DPYS: variants seen among roughly 807,000 people sequenced by gnomAD.
DPYS encodes the protein dihydropyrimidinase, also known as dihydropyrimidine amidohydrolase.
A neutral mutation model predicts 50.3 loss-of-function variants in DPYS; 39 were observed. The observed-to-expected ratio is 0.78, with a 90% CI of 0.60 to 1.01. The LOEUF (loss-of-function observed/expected upper bound fraction) is 1.01. Among genes scored for constraint, DPYS ranks in the 50% least tolerant of loss-of-function variants. The probability of loss-of-function intolerance (pLI) is 0.00; values close to 1 mark genes in which losing one functional copy is unlikely to be tolerated. For missense variants in DPYS, 659 were observed against 680.9 expected (o/e 0.97, Z 0.36); for synonymous variants, 245 against 250.7 (o/e 0.98, Z 0.22).
At chr8:104,406,777 A>G (rs1247338143) in intron 7 of DPYS, among the ~76,000 whole-genome samples, 1 of 152,220 alleles carries the variant, frequency 6.6e-6, no homozygotes, top group African/African-American at 2.4e-5. Flanking sequence ...ATGGATGTGT[A>G]TGTGTATATC....
chr8:104,432,011 G>T (rs1812972235), intron 4 of DPYS, among the ~76,000 whole-genome samples: 1 of 152,130 alleles, frequency 6.6e-6, no homozygotes, highest in Admixed American at 6.6e-5. Flanking sequence ...ACTACACTTA[G>T]CTGGTTGGCA....
chr8:104,386,378 C>G (rs1248653962), intron 8 of DPYS, among the ~76,000 whole-genome samples: 2 of 151,784 alleles, frequency 1.3e-5, no homozygotes, highest in Admixed American at 6.6e-5. Flanking sequence ...ACTAAAAATA[C>G]AAAAATTATC....
chr8:104,452,985 T>C (rs950505037), intron 1 of DPYS, among the ~76,000 whole-genome samples: 1 of 152,140 alleles, frequency 6.6e-6, no homozygotes, highest in African/African-American at 2.4e-5. Flanking sequence ...AGAAATGTGG[T>C]CATGTTACAA....
At chr8:104,447,237 T>C (rs1813562705) in intron 3 of DPYS, 87 bp downstream of exon 3, 1 of 1,501,408 alleles carries the variant, frequency 6.7e-7, no homozygotes, top group Non-Finnish European at 9.2e-7. Flanking sequence ...ATGCATTAAA[T>C]GAGTTTACCT....
intron 8 of DPYS, among the ~76,000 whole-genome samples, chr8:104,384,044 C>CT (rs1811137193): frequency 6.6e-6 from 1 of 151,518 alleles, no homozygotes; most frequent in African/African-American, 2.4e-5. Flanking sequence ...TAACCTGCAC[C>CT]CTCTCTCTCT....
chr8:104,389,541 T>TTTAC lies in DPYS; in HGVS notation c.1443+3242_1443+3243insGTAA, dbSNP rs201771053. On this transcript the variant is annotated intron_variant, in intron 8 of 9. Coordinates refer to ENST00000351513, the MANE Select transcript of DPYS (RefSeq NM_001385.3). ...TTCATGACTATTTTCTTCCTTTTATTTTTTTTTTTTTGTCTCTACAGAGGT... is the reference window on the plus strand; with the variant it reads ...TTCATGACTATTTTCTTCCTTTTATTTTACTTTTTTTTTTTGTCTCTACAGAGGT... Among the ~76,000 whole-genome samples the TTTAC allele has an allele frequency of 3.0e-5, 3 of 99,406 alleles. No individual in the cohort carries two copies. The East Asian group carries it at 2.0e-3, about 65-fold the overall frequency. The allele number at this position is 99,406 out of a possible 152,430, so 65.2% of individuals were successfully genotyped here.
chr8:104,444,185 C>T, intron 4 of DPYS, 63 bp downstream of exon 4: 4 of 1,580,480 alleles, frequency 2.5e-6, no homozygotes, highest in Non-Finnish European at 1.7e-6. Context: ...GCAGAGGCTA[C>T]AGACGTGGAC....
At chr8:104,461,844 A>C (rs1014062822) in intron 1 of DPYS, among the ~76,000 whole-genome samples, 1 of 152,132 alleles carries the variant, frequency 6.6e-6, no homozygotes, top group Non-Finnish European at 1.5e-5. Flanking sequence ...ACAAAATCAC[A>C]TTCTCCAGTG....
intron 4 of DPYS, among the ~76,000 whole-genome samples, chr8:104,434,109 T>C (rs1018608672): frequency 1.3e-5 from 2 of 152,210 alleles, no homozygotes; most frequent in African/African-American, 4.8e-5. Flanking sequence ...CTATACATTG[T>C]TCTGGACAGA....
intron 1 of DPYS, among the ~76,000 whole-genome samples, chr8:104,455,977 T>TTTGATCAAAACACCA (rs1370614000): frequency 1.3e-5 from 2 of 152,200 alleles, no homozygotes; most frequent in Non-Finnish European, 1.5e-5. Context: ...ATAATGGTGT[T>TTTGATCAAAACACCA]TTGATCAATG....
chr8:104,420,976 T>C (rs1194595075), intron 7 of DPYS: 1 of 152,210 alleles, frequency 6.6e-6, no homozygotes, highest in Admixed American at 6.5e-5. Context: ...TCTCATGTGA[T>C]TCTAACCAAA....
At chr8:104,399,291 A>C (rs1811700168) in intron 7 of DPYS, among the ~76,000 whole-genome samples, 1 of 8,248 alleles carries the variant, frequency 1.2e-4, no homozygotes, top group Admixed American at 8.2e-4. Context: ...ACTCCATCTC[A>C]AAAAAAAAAA....
At chr8:104,400,419 G>C (rs1811756611) in intron 7 of DPYS, among the ~76,000 whole-genome samples, 1 of 152,226 alleles carries the variant, frequency 6.6e-6, no homozygotes, top group Admixed American at 6.5e-5. Context: ...AAAGCAAAGA[G>C]CTTCAAGATT....
chr8:104,462,702 T>G (rs1428850423), intron 1 of DPYS, among the ~76,000 whole-genome samples: 1 of 152,204 alleles, frequency 6.6e-6, no homozygotes, highest in Non-Finnish European at 1.5e-5. Context: ...GCCAAACTCT[T>G]ATACTTCATT....
intron 4 of DPYS, among the ~76,000 whole-genome samples, chr8:104,439,638 G>A (rs1460140839): frequency 6.6e-6 from 1 of 152,060 alleles, no homozygotes; most frequent in Non-Finnish European, 1.5e-5. Flanking sequence ...TTTAAAAATT[G>A]GCTGGGTGTG....
intron 7 of DPYS, among the ~76,000 whole-genome samples, chr8:104,409,679 C>T (rs1246572587): frequency 4.6e-5 from 7 of 152,118 alleles, no homozygotes. Flanking sequence ...CTGTATAACT[C>T]TCTAGTGCTT....
chr8:104,383,951 G>A (rs561654484), intron 8 of DPYS, among the ~76,000 whole-genome samples: 1 of 152,256 alleles, frequency 6.6e-6, no homozygotes, highest in Admixed American at 6.5e-5. Flanking sequence ...CTTTCTGGCT[G>A]TTCAGTCATG....
intron 2 of DPYS, 101 bp from the exon 3 acceptor site, chr8:104,447,604 A>C: frequency 1.5e-6 from 2 of 1,312,194 alleles, no homozygotes; most frequent in Admixed American, 1.9e-5. Flanking sequence ...ACTAAGTAAA[A>C]TAAGGAAAAT....
At chr8:104,419,679 A>T (rs796954233) in intron 7 of DPYS, 3 of 152,362 alleles carry the variant, frequency 2.0e-5, no homozygotes, top group African/African-American at 7.2e-5. Context: ...GAAAAACATC[A>T]GGAAAATCAC....
Sources: allele counts gnomAD v4.1 joint callset (sites outside exome capture counted in the v4.1 genomes callset), GRCh38; gene constraint gnomAD v4.1.1; transcripts MANE v1.5; gene names NCBI Gene and HGNC (gene_info 2026-07-23, HGNC 2026-07-21).